Variants in RANBP17 observed in about 807,000 individuals in gnomAD.
RANBP17 encodes ran-binding protein 17.
RANBP17 carries 158 observed loss-of-function variants against 141.2 expected under a neutral mutation model. That is an observed-to-expected ratio of 1.12 (90% CI 0.98 to 1.28). The LOEUF (loss-of-function observed/expected upper bound fraction) is 1.28. Ranked by LOEUF, RANBP17 falls within the 50% of genes most tolerant of loss-of-function variation. The pLI is 0.00. For missense variants in RANBP17, 1,438 were observed against 1,290.7 expected (o/e 1.11, Z -1.75); for synonymous variants, 430 against 450.0 (o/e 0.96, Z 0.56).
intron 22 of RANBP17, among the ~76,000 whole-genome samples, chr5:171,223,967 C>T (rs1369722346): frequency 1.3e-5 from 2 of 152,158 alleles, no homozygotes; most frequent in Non-Finnish European, 2.9e-5. Context: ...CTACTAAATA[C>T]CTACTGACTT....
At position 170,873,417 on chromosome 5, in the gene RANBP17, G is replaced by A. The variant is rs1767918772; in HGVS notation, c.19-4680G>A. On this transcript the variant is annotated intron_variant, in intron 1 of 27. Transcript: ENST00000523189. ...CAGTTGTTTGGAATAGTTTCAGAAAGAATGGTATCAGCTCCTCTTTGTACC... is the reference window on the plus strand; with the variant it reads ...CAGTTGTTTGGAATAGTTTCAGAAAAAATGGTATCAGCTCCTCTTTGTACC... Among the ~76,000 whole-genome samples, 8 of 152,248 alleles carry A rather than the reference G, an allele frequency of 5.3e-5. No homozygotes were observed. The South Asian group carries it at 1.7e-3, about 32-fold the overall frequency.
chr5:171,166,712 A>C (rs1759721536), intron 14 of RANBP17, among the ~76,000 whole-genome samples: 1 of 152,200 alleles, frequency 6.6e-6, no homozygotes, highest in South Asian at 2.1e-4. Context: ...TTAAATTTCA[A>C]ATGTTTGGAG....
intron 14 of RANBP17, among the ~76,000 whole-genome samples, chr5:170,990,552 T>C (rs1425964113): frequency 2.0e-5 from 3 of 151,968 alleles, no homozygotes; most frequent in Non-Finnish European, 2.9e-5. Flanking sequence ...CTGAACACTT[T>C]TGAAAGATTA....
chr5:170,922,925 A>G (rs962128537), intron 11 of RANBP17, among the ~76,000 whole-genome samples: 1 of 152,198 alleles, frequency 6.6e-6, no homozygotes, highest in African/African-American at 2.4e-5. Context: ...GCTGCAGACC[A>G]GAGCTGTTCC....
chr5:171,002,955 A>G (rs545449270), intron 14 of RANBP17, among the ~76,000 whole-genome samples: 4 of 152,298 alleles, frequency 2.6e-5, no homozygotes, highest in African/African-American at 9.6e-5. Flanking sequence ...AGTGAGTACA[A>G]CTGAAGGAGC....
intron 11 of RANBP17, among the ~76,000 whole-genome samples, chr5:170,921,518 G>C (rs923378327): frequency 1.3e-5 from 2 of 152,120 alleles, no homozygotes; most frequent in African/African-American, 4.8e-5. Context: ...AAGTCAGGTA[G>C]CGTGATGCCT....
intron 24 of RANBP17, among the ~76,000 whole-genome samples, chr5:171,251,442 C>G (rs1181322297): frequency 6.6e-6 from 1 of 150,922 alleles, no homozygotes; most frequent in African/African-American, 2.4e-5. Context: ...GGAATAAAAC[C>G]AGAAATCAAT....
chr5:171,198,159 A>G (rs1240135621), intron 18 of RANBP17, among the ~76,000 whole-genome samples: 1 of 152,264 alleles, frequency 6.6e-6, no homozygotes, highest in Non-Finnish European at 1.5e-5. Flanking sequence ...GCCTTGAAAA[A>G]TAACATCTGT....
chr5:171,059,435 G>A (rs918004862), intron 14 of RANBP17, among the ~76,000 whole-genome samples: 47 of 148,542 alleles, frequency 3.2e-4, no homozygotes, highest in Admixed American at 6.1e-4. Context: ...TTTCCCCATT[G>A]CTTGTTTTTC....
At chr5:170,999,092 T>C (rs1779028513) in intron 14 of RANBP17, among the ~76,000 whole-genome samples, 2 of 152,132 alleles carry the variant, frequency 1.3e-5, no homozygotes, top group Admixed American at 6.5e-5. Context: ...AACTAGAATC[T>C]AGGCCTTTAT....
chr5:171,260,049 C>T (rs1297057409), intron 24 of RANBP17, among the ~76,000 whole-genome samples: 3 of 151,576 alleles, frequency 2.0e-5, no homozygotes, highest in Non-Finnish European at 4.4e-5. Flanking sequence ...CCTGTAATCC[C>T]AGCACTTTGG....
At chr5:170,875,733 G>A (rs190730190) in intron 1 of RANBP17, among the ~76,000 whole-genome samples, 2 of 152,076 alleles carry the variant, frequency 1.3e-5, no homozygotes, top group East Asian at 3.9e-4. Flanking sequence ...CTGAGCTTCT[G>A]AAGCCTACTT....
chr5:171,230,764 A>T (rs189422415), intron 22 of RANBP17, among the ~76,000 whole-genome samples: 4 of 151,662 alleles, frequency 2.6e-5, no homozygotes, highest in Admixed American at 6.6e-5. Flanking sequence ...TCTGTTAAAA[A>T]ATATATATAT....
In RANBP17 at chr5:171,251,872, T is replaced by G; in HGVS notation, c.2776+9052T>G. 6.2e-6 allele frequency: 9 copies of G among 1,459,402 alleles called. No individual in the cohort carries two copies. In the South Asian group the frequency reaches 1.0e-4, roughly 17 times the overall value. 90.4% of individuals were successfully genotyped at this position (1,459,402 alleles called of 1,614,324 possible). A position where few individuals can be genotyped will look rare whatever the true frequency, so the allele number is the denominator to read the frequency against. On this transcript the variant is annotated intron_variant, in intron 24 of 27. Coordinates refer to ENST00000523189, the MANE Select transcript of RANBP17 (RefSeq NM_022897.5). ...CATCTGTACCATGAGTGCCAATGCTTCGGCATTAGAGAAGGAGATTGGTCC... is the reference window on the plus strand; with the variant it reads ...CATCTGTACCATGAGTGCCAATGCTGCGGCATTAGAGAAGGAGATTGGTCC...
chr5:171,130,116 G>T (rs1368444640), intron 14 of RANBP17, among the ~76,000 whole-genome samples: 1 of 152,082 alleles, frequency 6.6e-6, no homozygotes, highest in African/African-American at 2.4e-5. Flanking sequence ...CAGCATGGAA[G>T]AACTATATCA....
chr5:171,139,871 A>G (rs1224906125), intron 14 of RANBP17, among the ~76,000 whole-genome samples: 2 of 152,164 alleles, frequency 1.3e-5, no homozygotes, highest in Admixed American at 6.5e-5. Flanking sequence ...ATAAAACCCA[A>G]CTTTACATAG....
intron 14 of RANBP17, among the ~76,000 whole-genome samples, chr5:171,110,999 T>C (rs1236563856): frequency 1.3e-5 from 2 of 151,984 alleles, no homozygotes; most frequent in African/African-American, 4.8e-5. Flanking sequence ...CTCCCAATGC[T>C]ATCCCTCCCC....
chr5:171,227,805 G>A (rs1196545788), intron 22 of RANBP17, among the ~76,000 whole-genome samples: 2 of 152,106 alleles, frequency 1.3e-5, no homozygotes, highest in Non-Finnish European at 2.9e-5. Context: ...AAATCCTAGG[G>A]CCCTTAAGAA....
At position 170,947,232 on chromosome 5, in the gene RANBP17, C is replaced by T. The variant is rs1390156659; in HGVS notation, c.1469-6365C>T. The stretch of plus-strand genomic sequence containing the variant: ...ACATTTATTAAATTGGTAATGTTAA[C>T]CTTTCCTTTCCTTTTTCATGCCATG... On this transcript the variant is annotated intron_variant, in intron 12 of 27. Coordinates refer to ENST00000523189, the MANE Select transcript of RANBP17 (RefSeq NM_022897.5). 7.9e-5 allele frequency among the ~76,000 whole-genome samples: 12 copies of T among 152,122 alleles called. No homozygotes were observed. In the East Asian group the frequency reaches 1.4e-3, roughly 17 times the overall value.
Sources: gnomAD v4.1 joint callset for allele counts (sites outside exome capture counted in the v4.1 genomes callset) on GRCh38, gnomAD v4.1.1 for gene constraint, MANE v1.5 for transcripts, NCBI Gene and HGNC (gene_info 2026-07-23, HGNC 2026-07-21) for gene names.